The following TLN2 variants were observed in gnomAD, a reference collection of about 807,000 sequenced individuals.
The protein encoded by TLN2 is talin 2, also known as talin-2.
TLN2 carries 118 observed loss-of-function variants against 294.7 expected under a neutral mutation model. That is an observed-to-expected ratio of 0.40 (90% CI 0.34 to 0.47). The LOEUF is 0.47. Ranked by LOEUF, TLN2 falls within the 20% of genes least tolerant of loss-of-function variation. TLN2 has a pLI of 0.84. For missense variants in TLN2, 3,083 were observed against 3,282.2 expected (o/e 0.94, Z 1.48); for synonymous variants, 1,431 against 1,304.5 (o/e 1.10, Z -2.09).
intron 1 of TLN2, among the ~76,000 whole-genome samples, chr15:62,572,485 A>G (rs1017398482): frequency 2.6e-5 from 4 of 152,064 alleles, no homozygotes; most frequent in Non-Finnish European, 4.4e-5. Context: ...GGCTCAAGCT[A>G]TCCTCTCGCC....
rs140291112 is a variant in TLN2, at chr15:62,766,395, G to C, written c.5169G>C (p.Arg1723=). 1 of 1,612,056 alleles carries C rather than the reference G, an allele frequency of 6.2e-7. No homozygotes were observed. The highest frequency in any genetic ancestry group is 1.7e-5 in the Admixed American group (1 of 60,000). ...HLIDPIATAA[R]GEAAQLGHKV... ...TCGATCCCATCGCCACAGCGGCTCG[G>C]GGAGAAGCAGCTCAGCTGGGACATA... is the stretch of plus-strand genomic sequence containing the variant. The change falls in exon 41 of 59, where the codon CGG becomes CGC. Residue 1723 remains arginine, a synonymous_variant. Transcript: ENST00000636159.
chr15:62,557,893 C>G (rs1424010605), intron 1 of TLN2, among the ~76,000 whole-genome samples: 6 of 152,198 alleles, frequency 3.9e-5, no homozygotes, highest in Non-Finnish European at 2.9e-5. Flanking sequence ...CTAAAAGCCA[C>G]AAGCCCTAGT....
At chr15:62,823,998 T>A (rs749204645) in intron 54 of TLN2, 3 of 531,198 alleles carry the variant, frequency 5.6e-6, no homozygotes, top group Non-Finnish European at 1.2e-5. Flanking sequence ...TAGGTTGTTA[T>A]TTAATCCAAC....
At chr15:62,696,639 C>T (rs1379599205) in intron 14 of TLN2, among the ~76,000 whole-genome samples, 1 of 152,132 alleles carries the variant, frequency 6.6e-6, no homozygotes, top group Non-Finnish European at 1.5e-5. Context: ...ACCCAGGAGG[C>T]AGAGGTTGCA....
chr15:62,741,385 A>G (rs905392112), intron 32 of TLN2, among the ~76,000 whole-genome samples: 1 of 152,202 alleles, frequency 6.6e-6, no homozygotes, highest in African/African-American at 2.4e-5. Flanking sequence ...AGGGAAGTGG[A>G]TAAAACAGTA....
At chr15:62,570,903 C>CTGTGTGTGTGTGTGTGTGTG (rs58523803) in intron 1 of TLN2, among the ~76,000 whole-genome samples, 24 of 143,918 alleles carry the variant, frequency 1.7e-4, no homozygotes, top group African/African-American at 5.1e-4. Flanking sequence ...GCACAGGCAT[C>CTGTGTGTGTGTGTGTGTGTG]TGTGTGTGTG....
intron 1 of TLN2, among the ~76,000 whole-genome samples, chr15:62,450,543 A>G (rs868572303): frequency 1.6e-3 from 87 of 55,164 alleles, no homozygotes; most frequent in African/African-American, 5.2e-3. Flanking sequence ...GTATGTATGT[A>G]TGTATGTGTG....
chr15:62,528,892 C>T (rs1011257960), intron 1 of TLN2, among the ~76,000 whole-genome samples: 3 of 152,086 alleles, frequency 2.0e-5, no homozygotes, highest in Non-Finnish European at 4.4e-5. Flanking sequence ...ACACCTTAGG[C>T]GTTTCATCTG....
intron 12 of TLN2, among the ~76,000 whole-genome samples, chr15:62,689,362 T>C (rs1263218470): frequency 6.6e-6 from 1 of 152,200 alleles, no homozygotes; most frequent in Non-Finnish European, 1.5e-5. Context: ...ATTTTGTCTA[T>C]AACCACATAA....
intron 4 of TLN2, among the ~76,000 whole-genome samples, 173 bp downstream of exon 4, chr15:62,647,619 A>C (rs2052040911): frequency 6.6e-6 from 1 of 152,240 alleles, no homozygotes; most frequent in Non-Finnish European, 1.5e-5. Context: ...TTGTGATTAC[A>C]GTGACCATGC....
At chr15:62,640,365 A>G (rs904655741) in intron 3 of TLN2, 6 of 457,052 alleles carry the variant, frequency 1.3e-5, no homozygotes, top group African/African-American at 8.0e-5. Flanking sequence ...GTGAGTGGCT[A>G]GAGGCAGAGA....
intron 26 of TLN2, 88 bp from the exon 27 acceptor site, chr15:62,724,888 T>C (rs1595795716): frequency 6.6e-7 from 1 of 1,506,834 alleles, no homozygotes; most frequent in Non-Finnish European, 8.9e-7. Context: ...ACTGGGTATA[T>C]CCAGAAGGGC....
At chr15:62,666,398 T>C (rs2054648123) in intron 9 of TLN2, among the ~76,000 whole-genome samples, 1 of 152,060 alleles carries the variant, frequency 6.6e-6, no homozygotes, top group Non-Finnish European at 1.5e-5. Context: ...GGTCTTCTGC[T>C]CCTTTGCCTT....
At chr15:62,625,613 C>G (rs562512923) in intron 3 of TLN2, among the ~76,000 whole-genome samples, 18 of 152,128 alleles carry the variant, frequency 1.2e-4, no homozygotes, top group African/African-American at 4.3e-4. Context: ...TGCACGCAGG[C>G]GAGGGCTGGG....
intron 14 of TLN2, among the ~76,000 whole-genome samples, chr15:62,694,699 T>G (rs900838567): frequency 3.3e-5 from 5 of 152,186 alleles, no homozygotes; most frequent in African/African-American, 7.2e-5. Flanking sequence ...GATCGAATCA[T>G]GATCATTGAG....
intron 5 of TLN2, 32 bp from the exon 6 acceptor site, chr15:62,651,973 A>AGT: frequency 6.5e-7 from 1 of 1,538,838 alleles, no homozygotes. Flanking sequence ...TTCCCCACAC[A>AGT]GTGTGAAATT....
rs202004135 is a variant in TLN2, at chr15:62,652,137, G to A, written c.364+3G>A. ...GGTCACTATTTGTAGCAGAATAGGT[G>A]AGCATTCATACACCTTCATTATGTC... On this transcript the variant is annotated splice_donor_region_variant and intron_variant, in intron 6 of 58. Transcript: ENST00000636159. 1.2e-3 allele frequency: 1,906 copies of A among 1,577,280 alleles called. 2 individuals are homozygous for A. Among genetic ancestry groups the A allele is most frequent in the Non-Finnish European group, 1.5e-3 (1,705 of 1,162,298 alleles).
At chr15:62,489,203 A>G (rs931530455) in intron 1 of TLN2, among the ~76,000 whole-genome samples, 2 of 152,148 alleles carry the variant, frequency 1.3e-5, no homozygotes, top group Non-Finnish European at 2.9e-5. Flanking sequence ...GCACAACTCC[A>G]TGAATGACAT....
At chr15:62,486,030 A>G (rs1226417754) in intron 1 of TLN2, among the ~76,000 whole-genome samples, 4 of 152,184 alleles carry the variant, frequency 2.6e-5, no homozygotes, top group African/African-American at 7.2e-5. Flanking sequence ...AAAAAATACA[A>G]AGAATTTCTA....
Sources: gnomAD v4.1 joint callset for allele counts (sites outside exome capture counted in the v4.1 genomes callset) on GRCh38, gnomAD v4.1.1 for gene constraint, MANE v1.5 for transcripts, NCBI Gene and HGNC (gene_info 2026-07-23, HGNC 2026-07-21) for gene names.